GABBR2: variants seen among roughly 807,000 people sequenced by gnomAD.
The protein encoded by GABBR2 is gamma-aminobutyric acid type B receptor subunit 2, also known as G-protein coupled receptor 51.
GABBR2 carries 23 observed loss-of-function variants against 105.6 expected under a neutral mutation model. That is an observed-to-expected ratio of 0.22 (90% CI 0.16 to 0.31). GABBR2 has a LOEUF of 0.31. Among genes scored for constraint, GABBR2 ranks in the 10% least tolerant of loss-of-function variants. The pLI, the probability that GABBR2 is intolerant of heterozygous loss-of-function variation, is 1.00. For missense variants in GABBR2, 734 were observed against 1,245.5 expected, an observed-to-expected ratio of 0.59 and a Z score of 6.18; for synonymous variants, 478 against 499.7, an observed-to-expected ratio of 0.96 and a Z score of 0.58.
In GABBR2 at chr9:98,288,297, A is replaced by AAAAG. The variant is rs1344728979; in HGVS notation, c.*2283_*2286dup. On this transcript the variant is annotated 3_prime_UTR_variant, in exon 19 of 19. Transcript: ENST00000259455. ...AATGGACGGTGTGTTTGCTGCATATAAAAGAACAGAACCATTAAGTAGCTA... is the reference window on the plus strand; with the variant it reads ...AATGGACGGTGTGTTTGCTGCATATAAAAGAAAGAACAGAACCATTAAGTAGCTA... 6.6e-6 allele frequency: 1 copy of AAAAG among 152,602 alleles called. No homozygotes were observed. Among genetic ancestry groups the AAAAG allele is most frequent in the African/African-American group, 2.4e-5 (1 of 41,426 alleles). 9.5% of individuals were successfully genotyped at this position (152,602 alleles called of 1,614,324 possible). A position where few individuals can be genotyped will look rare whatever the true frequency, so the allele number is the denominator to read the frequency against.
intron 7 of GABBR2, among the ~76,000 whole-genome samples, chr9:98,435,874 C>T (rs1808599185): frequency 6.6e-6 from 1 of 152,156 alleles, no homozygotes; most frequent in Admixed American, 6.5e-5. Context: ...TTGTTATGCA[C>T]CTTCCTTATT....
intron 1 of GABBR2, among the ~76,000 whole-genome samples, chr9:98,618,486 A>ATCTCTCTCTCTCTCTCTCTCTC (rs10611275): frequency 1.4e-5 from 2 of 145,072 alleles, no homozygotes; most frequent in African/African-American, 5.2e-5. Flanking sequence ...GGTCTGCTGC[A>ATCTCTCTCTCTCTCTCTCTCTC]TCTCTCTCTC....
chr9:98,452,822 T>C (rs896373353), intron 7 of GABBR2, among the ~76,000 whole-genome samples: 3 of 152,236 alleles, frequency 2.0e-5, no homozygotes, highest in African/African-American at 7.2e-5. Flanking sequence ...AAAGGTTGTA[T>C]TATGTAATGT....
At chr9:98,656,720 T>C (rs1830188935) in intron 1 of GABBR2, among the ~76,000 whole-genome samples, 2 of 152,208 alleles carry the variant, frequency 1.3e-5, no homozygotes. Flanking sequence ...CTTAACTCAT[T>C]TCATCCATTC....
At chr9:98,427,469 CT>C in intron 7 of GABBR2, among the ~76,000 whole-genome samples, 1 of 152,310 alleles carries the variant, frequency 6.6e-6, no homozygotes, top group South Asian at 2.1e-4. Context: ...ACCCATCCCC[CT>C]TTGGATGGTT....
intron 1 of GABBR2, among the ~76,000 whole-genome samples, chr9:98,664,408 C>A (rs1260086045): frequency 1.3e-5 from 2 of 152,216 alleles, no homozygotes; most frequent in Non-Finnish European, 2.9e-5. Context: ...ACTGCTCTCC[C>A]AGAGCACTAG....
intron 11 of GABBR2, among the ~76,000 whole-genome samples, chr9:98,380,266 G>T (rs888474113): frequency 6.6e-6 from 1 of 152,202 alleles, no homozygotes; most frequent in Non-Finnish European, 1.5e-5. Context: ...ACTACCCCAC[G>T]CCCAGGAATG....
intron 3 of GABBR2, among the ~76,000 whole-genome samples, chr9:98,501,066 C>A (rs1827388260): frequency 6.6e-6 from 1 of 151,692 alleles, no homozygotes; most frequent in East Asian, 1.9e-4. Flanking sequence ...GGTTAGGAGA[C>A]CAGAATGTAT....
At chr9:98,681,909 C>T (rs1206742194) in intron 1 of GABBR2, among the ~76,000 whole-genome samples, 5 of 152,136 alleles carry the variant, frequency 3.3e-5, no homozygotes, top group African/African-American at 1.2e-4. Context: ...ATAAATCCAG[C>T]TATGTGAAGA....
At chr9:98,376,672 G>A (rs1831879392) in intron 11 of GABBR2, among the ~76,000 whole-genome samples, 1 of 152,204 alleles carries the variant, frequency 6.6e-6, no homozygotes, top group East Asian at 1.9e-4. Context: ...AGACTCTGAA[G>A]AGCAGCCTCT....
At chr9:98,313,699 G>A (rs1308914450) in intron 13 of GABBR2, among the ~76,000 whole-genome samples, 4 of 152,174 alleles carry the variant, frequency 2.6e-5, no homozygotes, top group Non-Finnish European at 5.9e-5. Context: ...TGCTGTTGAG[G>A]CCCAGGGTAA....
chr9:98,415,449 C>G lies in GABBR2; in HGVS notation c.1237-9308G>C, dbSNP rs898122769. On this transcript the variant is annotated intron_variant, in intron 7 of 18. Coordinates refer to ENST00000259455, the MANE Select transcript of GABBR2 (RefSeq NM_005458.8). ...GTCTGTGCAAACGTAAGCCCGTTTC[C>G]CTCTCAAAGTCGAATAACAAAGAGA... Among the ~76,000 whole-genome samples the G allele has an allele frequency of 3.3e-5, 5 of 152,160 alleles. 1 individual carries two copies. The East Asian group carries it at 9.7e-4, about 29-fold the overall frequency.
chr9:98,422,093 C>T lies in GABBR2; in HGVS notation c.1237-15952G>A, dbSNP rs187311385. Among the ~76,000 whole-genome samples, 61 of 152,214 alleles carry T rather than the reference C, an allele frequency of 4.0e-4. 1 individual carries two copies. The highest frequency in any genetic ancestry group is 3.4e-3 in the Middle Eastern group (1 of 294). The stretch of plus-strand genomic sequence containing the variant: ...ACGTGGTCTTAACACCCAGATTATC[C>T]ATGGAGTGCCTGAAAATCAACAATA... On this transcript the variant is annotated intron_variant, in intron 7 of 18. Transcript: ENST00000259455.
intron 1 of GABBR2, among the ~76,000 whole-genome samples, chr9:98,617,305 G>A (rs1445362882): frequency 6.6e-6 from 1 of 152,138 alleles, no homozygotes; most frequent in Admixed American, 6.5e-5. Context: ...GTGAGGATCT[G>A]GAGGGGTGAG....
chr9:98,668,680 C>T (rs1395163220), intron 1 of GABBR2, among the ~76,000 whole-genome samples: 2 of 152,152 alleles, frequency 1.3e-5, no homozygotes, highest in Non-Finnish European at 2.9e-5. Context: ...TCCCAATTCT[C>T]CCTCCTTCTC....
At chr9:98,304,737 C>T (rs1324874512) in intron 15 of GABBR2, among the ~76,000 whole-genome samples, 1 of 152,180 alleles carries the variant, frequency 6.6e-6, no homozygotes, top group African/African-American at 2.4e-5. Context: ...GGTCAGTAAC[C>T]CCTCCCAGCT....
At chr9:98,331,014 C>T (rs556907284) in intron 13 of GABBR2, among the ~76,000 whole-genome samples, 12 of 152,226 alleles carry the variant, frequency 7.9e-5, no homozygotes, top group Admixed American at 2.6e-4. Context: ...TGGCCTTTTG[C>T]GTCTGGCTTC....
chr9:98,681,450 AG>A (rs1447671742), intron 1 of GABBR2, among the ~76,000 whole-genome samples: 1 of 82,292 alleles, frequency 1.2e-5, no homozygotes, highest in Non-Finnish European at 2.3e-5. Context: ...GGGTGGGGGG[AG>A]GGGGAGGGAT....
intron 13 of GABBR2, among the ~76,000 whole-genome samples, chr9:98,319,804 C>T (rs768288525): frequency 2.0e-5 from 3 of 152,078 alleles, no homozygotes; most frequent in East Asian, 3.9e-4. Flanking sequence ...GATGAGATGC[C>T]CCCTGGGAGA....
Sources: allele counts gnomAD v4.1 joint callset (sites outside exome capture counted in the v4.1 genomes callset), GRCh38; gene constraint gnomAD v4.1.1; transcripts MANE v1.5; gene names NCBI Gene and HGNC (gene_info 2026-07-23, HGNC 2026-07-21).